The following FRMD6 variants were observed in gnomAD, a reference collection of about 807,000 sequenced individuals.
FRMD6 encodes the protein FERM domain containing 6, also known as FERM domain-containing protein 6.
FRMD6 carries 37 observed loss-of-function variants against 73.2 expected under a neutral mutation model. The ratio of observed to expected loss-of-function variants is 0.51; its 90% CI spans 0.39 to 0.66. The LOEUF (loss-of-function observed/expected upper bound fraction) is 0.66, where lower values mean the gene tolerates loss of function less well. FRMD6 is among the 30% of genes least tolerant of loss of function. The pLI, the probability that FRMD6 is intolerant of heterozygous loss-of-function variation, is 0.00. For synonymous variants in FRMD6, 273 were observed against 282.2 expected, an observed-to-expected ratio of 0.97 and a Z score of 0.33; for missense variants, 714 against 780.5, an observed-to-expected ratio of 0.91 and a Z score of 1.02.
intron 1 of FRMD6, among the ~76,000 whole-genome samples, chr14:51,670,828 G>T (rs542182870): frequency 6.6e-6 from 1 of 152,004 alleles, no homozygotes; most frequent in Non-Finnish European, 1.5e-5. Context: ...TGTATTTTTA[G>T]TAGAGATGGG....
the FRMD6 span, among the ~76,000 whole-genome samples, chr14:51,405,459 G>A: frequency 1.3e-5 from 2 of 152,000 alleles, no homozygotes; most frequent in Non-Finnish European, 2.9e-5. Context: ...TCCAGCATCT[G>A]TAAGTTCACC....
the FRMD6 span, among the ~76,000 whole-genome samples, chr14:51,474,033 A>G: frequency 2.6e-5 from 4 of 152,182 alleles, no homozygotes; most frequent in African/African-American, 4.8e-5. Context: ...TTTGTTACAG[A>G]TGAGAACACT....
chr14:51,549,621 A>G (rs1171310859), intron 1 of FRMD6, among the ~76,000 whole-genome samples: 4 of 94,180 alleles, frequency 4.2e-5, no homozygotes, highest in Non-Finnish European at 5.7e-5. Flanking sequence ...TTTTTGAGAC[A>G]GAGTCTCGCT....
the FRMD6 span, among the ~76,000 whole-genome samples, chr14:51,438,047 T>A: frequency 1.3e-5 from 2 of 152,176 alleles, no homozygotes; most frequent in Non-Finnish European, 2.9e-5. Context: ...TCTGTCTACT[T>A]TCTCTTGTTT....
the FRMD6 span, among the ~76,000 whole-genome samples, chr14:51,458,788 T>G: frequency 1.3e-5 from 2 of 152,218 alleles, no homozygotes; most frequent in African/African-American, 4.8e-5. Context: ...CAAGCCATGA[T>G]GTACTCTAGG....
the FRMD6 span, among the ~76,000 whole-genome samples, chr14:51,456,120 G>A: frequency 2.1e-4 from 32 of 152,306 alleles, no homozygotes; most frequent in African/African-American, 6.7e-4. Flanking sequence ...TCATCATCCT[G>A]TGGGAATATT....
intron 1 of FRMD6, among the ~76,000 whole-genome samples, chr14:51,663,303 CACAT>C (rs748067269): frequency 3.6e-4 from 55 of 152,304 alleles, no homozygotes; most frequent in Non-Finnish European, 7.2e-4. Flanking sequence ...ATTACAAAGA[CACAT>C]GCATGCATAT....
At chr14:51,693,764 C>G (rs541210486) in intron 2 of FRMD6, among the ~76,000 whole-genome samples, 101 of 152,202 alleles carry the variant, frequency 6.6e-4, no homozygotes, top group African/African-American at 2.3e-3. Flanking sequence ...TGCAAGATTT[C>G]TTATTTCAGG....
At chr14:51,467,739 C>T in the FRMD6 span, among the ~76,000 whole-genome samples, 3 of 151,028 alleles carry the variant, frequency 2.0e-5, no homozygotes, top group South Asian at 2.1e-4. Flanking sequence ...GATGGGTGGC[C>T]GGGCAGAGAC....
chr14:51,638,791 G>A (rs1264101377), intron 2 of FRMD6, among the ~76,000 whole-genome samples: 4 of 152,202 alleles, frequency 2.6e-5, no homozygotes, highest in African/African-American at 4.8e-5. Context: ...TGGAATGGAA[G>A]AGGTGTCATC....
the FRMD6 span, among the ~76,000 whole-genome samples, chr14:51,421,295 A>G: frequency 6.6e-6 from 1 of 152,220 alleles, no homozygotes; most frequent in Non-Finnish European, 1.5e-5. Context: ...AGAAGTAGGA[A>G]AAGCTGACTG....
the FRMD6 span, among the ~76,000 whole-genome samples, chr14:51,470,220 T>TA: frequency 2.0e-5 from 3 of 152,206 alleles, 1 homozygote; most frequent in South Asian, 4.1e-4. Flanking sequence ...AAATCTTTTT[T>TA]AAAAAATCAG....
chr14:51,554,614 G>A (rs996852388), intron 1 of FRMD6: 1 of 152,170 alleles, frequency 6.6e-6, no homozygotes, highest in Non-Finnish European at 1.5e-5. Context: ...GTCTAGTCAT[G>A]AGAAAAACAT....
chr14:51,719,490 C>T (rs545750055), intron 10 of FRMD6, among the ~76,000 whole-genome samples: 5 of 152,316 alleles, frequency 3.3e-5, no homozygotes, highest in South Asian at 2.1e-4. Context: ...AAATTGTATT[C>T]AGCAGCTAGA....
At chr14:51,609,049 C>T (rs1053288168) in intron 2 of FRMD6, among the ~76,000 whole-genome samples, 6 of 152,204 alleles carry the variant, frequency 3.9e-5, no homozygotes, top group Non-Finnish European at 7.3e-5. Flanking sequence ...TCATCAATTA[C>T]ATTTTTAATT....
chr14:51,705,758 G>GC (rs1896589377), intron 6 of FRMD6, among the ~76,000 whole-genome samples: 1 of 152,054 alleles, frequency 6.6e-6, no homozygotes, highest in Non-Finnish European at 1.5e-5. Context: ...TCATGGTGCT[G>GC]CCTGTTAGGT....
chr14:51,402,252 G>A, the FRMD6 span, among the ~76,000 whole-genome samples: 2 of 152,194 alleles, frequency 1.3e-5, no homozygotes, highest in South Asian at 4.1e-4. Context: ...AAAGAGATGT[G>A]AGAGAACAAG....
chr14:51,467,449 T>C, the FRMD6 span, among the ~76,000 whole-genome samples: 10 of 152,372 alleles, frequency 6.6e-5, no homozygotes, highest in South Asian at 1.9e-3. Context: ...ACTGCCATCG[T>C]CATCATGGCC....
chr14:51,430,601 TA>T, the FRMD6 span, among the ~76,000 whole-genome samples: 1,411 of 139,834 alleles, frequency 0.01, 21 homozygotes, highest in African/African-American at 0.034. Context: ...CAGGGAATCA[TA>T]AAAAAAAAAA....
Sources: gnomAD v4.1 joint callset for allele counts (sites outside exome capture counted in the v4.1 genomes callset) on GRCh38, gnomAD v4.1.1 for gene constraint, MANE v1.5 for transcripts, NCBI Gene and HGNC (gene_info 2026-07-23, HGNC 2026-07-21) for gene names.